DAB1: variants seen among roughly 807,000 people sequenced by gnomAD.
DAB1 encodes DAB adaptor protein 1, also known as disabled homolog 1.
In DAB1, 15 loss-of-function variants were observed where a neutral mutation model predicts 64.6. That is an observed-to-expected ratio of 0.23 (90% CI 0.16 to 0.36). The LOEUF (loss-of-function observed/expected upper bound fraction) is 0.36, where lower values mean the gene tolerates loss of function less well. Ranked by LOEUF, DAB1 falls within the 10% of genes least tolerant of loss-of-function variation. DAB1 has a pLI of 1.00. For synonymous variants in DAB1, 235 were observed against 251.9 expected (o/e 0.93, Z 0.64); for missense variants, 596 against 706.7 (o/e 0.84, Z 1.78).
At chr1:57,535,365 A>C (rs370139737) in intron 7 of DAB1, among the ~76,000 whole-genome samples, 33 of 152,270 alleles carry the variant, frequency 2.2e-4, no homozygotes, top group African/African-American at 7.5e-4. Flanking sequence ...TCATGAACTA[A>C]TGAATGATTT....
At chr1:58,314,384 T>C (rs1662505495) in intron 4 of DAB1, among the ~76,000 whole-genome samples, 1 of 152,186 alleles carries the variant, frequency 6.6e-6, no homozygotes, top group Non-Finnish European at 1.5e-5. Context: ...TGGCCATGCA[T>C]CTGGCTTTAG....
chr1:58,389,979 G>A (rs968421937), intron 3 of DAB1, among the ~76,000 whole-genome samples: 18 of 151,886 alleles, frequency 1.2e-4, no homozygotes, highest in African/African-American at 3.6e-4. Flanking sequence ...CATAAGAAGG[G>A]GGTTCAAAAT....
At chr1:57,362,872 C>T (rs1412916432) in intron 1 of DAB1, among the ~76,000 whole-genome samples, 1 of 152,170 alleles carries the variant, frequency 6.6e-6, no homozygotes, top group East Asian at 1.9e-4. Flanking sequence ...TTATTCTTTA[C>T]CGTTAGCACT....
At chr1:58,056,384 C>A (rs1296369116) in intron 5 of DAB1, 1 of 1,581,616 alleles carries the variant, frequency 6.3e-7, no homozygotes, top group Non-Finnish European at 8.6e-7. Context: ...ATGGCCTTGT[C>A]CTTGGGCACG....
chr1:58,503,691 T>C (rs1645944022), intron 3 of DAB1, among the ~76,000 whole-genome samples: 1 of 152,032 alleles, frequency 6.6e-6, no homozygotes, highest in South Asian at 2.1e-4. Context: ...AAGGAGAAGA[T>C]GGCTGTTTAT....
rs1376950160 is a variant in DAB1, at chr1:57,553,434, G to GAAAT, written n.625+96157_625+96158insATTT. ...AGAAAGAAAGAAAGAAAGAAAGAAA[G>GAAAT]AAAGAAAGAGAAAGAAAGAAAGAAA... On this transcript the variant is annotated intron_variant and non_coding_transcript_variant, in intron 7 of 20. Coordinates refer to the DAB1 transcript ENST00000485760. 1.3e-4 allele frequency among the ~76,000 whole-genome samples: 2 copies of GAAAT among 15,450 alleles called. 1 individual carries two copies. Among genetic ancestry groups the GAAAT allele is most frequent in the Non-Finnish European group, 1.2e-3 (2 of 1,604 alleles). 10.1% of individuals were successfully genotyped at this position (15,450 alleles called of 152,430 possible).
chr1:58,421,593 A>C (rs964974429), intron 3 of DAB1, among the ~76,000 whole-genome samples: 4 of 152,186 alleles, frequency 2.6e-5, no homozygotes, highest in African/African-American at 9.7e-5. Context: ...CAATTTCAGG[A>C]GTCTGATGGA....
intron 3 of DAB1, among the ~76,000 whole-genome samples, chr1:58,501,035 T>C (rs1178709993): frequency 2.0e-5 from 3 of 152,200 alleles, no homozygotes. Flanking sequence ...TGCTCTTCAT[T>C]TTTTCACCCA....
At chr1:58,284,612 A>G (rs1661640348) in intron 4 of DAB1, among the ~76,000 whole-genome samples, 1 of 152,238 alleles carries the variant, frequency 6.6e-6, no homozygotes, top group South Asian at 2.1e-4. Context: ...TGCTACAGTA[A>G]AAGTCTTCTC....
chr1:58,091,920 CTT>C (rs201019901), intron 5 of DAB1, among the ~76,000 whole-genome samples: 1,702 of 138,640 alleles, frequency 0.012, 28 homozygotes, highest in African/African-American at 0.052. Context: ...AGTTAGGATG[CTT>C]TGAGCTGCAT....
intron 1 of DAB1, among the ~76,000 whole-genome samples, chr1:57,417,295 CTT>C (rs1173343214): frequency 6.6e-6 from 1 of 152,092 alleles, no homozygotes; most frequent in African/African-American, 2.4e-5. Flanking sequence ...AAAAATGAGA[CTT>C]TGGTGATGAC....
At chr1:57,293,555 C>T (rs1672954347) in intron 1 of DAB1, among the ~76,000 whole-genome samples, 1 of 152,106 alleles carries the variant, frequency 6.6e-6, no homozygotes, top group South Asian at 2.1e-4. Context: ...CACATAAATT[C>T]CTGTGCCACT....
intron 3 of DAB1, among the ~76,000 whole-genome samples, chr1:58,361,629 T>C (rs917381021): frequency 2.0e-5 from 3 of 152,194 alleles, no homozygotes; most frequent in African/African-American, 7.2e-5. Flanking sequence ...TTGCCCTTTT[T>C]TCTGACCCTG....
chr1:58,441,211 G>A (rs1645004347), intron 3 of DAB1, among the ~76,000 whole-genome samples: 1 of 152,156 alleles, frequency 6.6e-6, no homozygotes, highest in Admixed American at 6.5e-5. Context: ...AGTACTGAAG[G>A]GATCTGAAGG....
chr1:57,581,915 G>T (rs1449881868), intron 7 of DAB1, among the ~76,000 whole-genome samples: 1 of 152,142 alleles, frequency 6.6e-6, no homozygotes, highest in East Asian at 1.9e-4. Flanking sequence ...GCTTAAACAG[G>T]AATTTATTTC....
At chr1:58,128,218 G>A (rs567222889) in intron 5 of DAB1, among the ~76,000 whole-genome samples, 12 of 151,480 alleles carry the variant, frequency 7.9e-5, no homozygotes, top group South Asian at 2.1e-4. Flanking sequence ...TCTCTTTGAC[G>A]CAATTGTGAA....
intron 1 of DAB1, chr1:57,307,080 C>G (rs1426400999): frequency 6.6e-6 from 1 of 152,202 alleles, no homozygotes; most frequent in Non-Finnish European, 1.5e-5. Context: ...AGGAAAGGAT[C>G]TTGCAGTTTT....
chr1:57,976,168 T>C (rs1005316068), intron 5 of DAB1, among the ~76,000 whole-genome samples: 13 of 152,310 alleles, frequency 8.5e-5, no homozygotes, highest in Non-Finnish European at 1.8e-4. Context: ...GGGGCTTCTC[T>C]GGTTTTTCAT....
chr1:58,376,839 C>T (rs1644332560), intron 3 of DAB1, among the ~76,000 whole-genome samples: 1 of 105,132 alleles, frequency 9.5e-6, no homozygotes, highest in African/African-American at 3.9e-5. Flanking sequence ...TCACTCAGGA[C>T]TTGCTTTATG....
Sources: allele counts gnomAD v4.1 joint callset (sites outside exome capture counted in the v4.1 genomes callset), GRCh38; gene constraint gnomAD v4.1.1; transcripts MANE v1.5; gene names NCBI Gene and HGNC (gene_info 2026-07-23, HGNC 2026-07-21).